The following LARGE1 variants were observed in gnomAD, a reference collection of about 807,000 sequenced individuals.
LARGE1 encodes LARGE xylosyl- and glucuronyltransferase 1.
Under a neutral mutation model 87.6 loss-of-function variants are expected in LARGE1, and 43 were observed. That is an observed-to-expected ratio of 0.49 (90% CI 0.38 to 0.63). The LOEUF is 0.63. LARGE1 is among the 30% of genes least tolerant of loss of function. LARGE1 has a pLI of 0.00. For synonymous variants in LARGE1, 434 were observed against 394.6 expected (o/e 1.10, Z -1.18); for missense variants, 802 against 1,000.2 (o/e 0.80, Z 2.67).
At chr22:33,170,382 T>C (rs961529747) in intron 11 of LARGE1, among the ~76,000 whole-genome samples, 5 of 151,762 alleles carry the variant, frequency 3.3e-5, no homozygotes, top group African/African-American at 4.8e-5. Flanking sequence ...AATAAATAAA[T>C]AAATATAAAA....
intron 6 of LARGE1, among the ~76,000 whole-genome samples, chr22:33,442,366 T>C (rs1164351409): frequency 6.6e-6 from 1 of 152,186 alleles, no homozygotes; most frequent in Non-Finnish European, 1.5e-5. Context: ...AAAGAGCTTC[T>C]CAAACGGTCC....
At chr22:33,470,515 TCCA>T (rs2068784077) in intron 6 of LARGE1, among the ~76,000 whole-genome samples, 3 of 152,326 alleles carry the variant, frequency 2.0e-5, no homozygotes, top group African/African-American at 7.2e-5. Context: ...TTCCTTTTGC[TCCA>T]CGTTCTCCTC....
chr22:33,830,098 G>T (rs2062922201), intron 1 of LARGE1, among the ~76,000 whole-genome samples: 1 of 152,056 alleles, frequency 6.6e-6, no homozygotes, highest in Non-Finnish European at 1.5e-5. Flanking sequence ...GGTCCTTTGG[G>T]CCGGGTGCCA....
intron 2 of LARGE1, among the ~76,000 whole-genome samples, chr22:33,652,566 G>A (rs1039026177): frequency 2.0e-5 from 3 of 151,924 alleles, no homozygotes; most frequent in African/African-American, 7.3e-5. Flanking sequence ...GGGTTACCAA[G>A]CAAAAAAAGC....
intron 7 of LARGE1, among the ~76,000 whole-genome samples, chr22:33,424,957 A>C (rs2066824558): frequency 6.6e-6 from 1 of 152,168 alleles, no homozygotes; most frequent in South Asian, 2.1e-4. Context: ...TAATGTGATT[A>C]ATGACCTTGT....
At chr22:33,808,584 C>A (rs549559793) in intron 1 of LARGE1, among the ~76,000 whole-genome samples, 1 of 152,188 alleles carries the variant, frequency 6.6e-6, no homozygotes, top group Middle Eastern at 3.2e-3. Context: ...GCACCCTGCA[C>A]GACGCTGGGA....
At chr22:33,647,991 C>A (rs2080672627) in intron 3 of LARGE1, among the ~76,000 whole-genome samples, 1 of 152,088 alleles carries the variant, frequency 6.6e-6, no homozygotes, top group Non-Finnish European at 1.5e-5. Context: ...TCTGTTGACC[C>A]TGTGATCCAC....
intron 11 of LARGE1, among the ~76,000 whole-genome samples, chr22:33,200,972 C>T (rs76643592): frequency 0.03 from 4,597 of 152,102 alleles, 96 homozygotes; most frequent in Admixed American, 0.057. Flanking sequence ...TAAGAATTAT[C>T]TCAATGTTTT....
At chr22:33,576,099 T>C (rs775387568) in intron 5 of LARGE1, among the ~76,000 whole-genome samples, 42 of 152,256 alleles carry the variant, frequency 2.8e-4, no homozygotes, top group Non-Finnish European at 3.8e-4. Flanking sequence ...AGCTGCTGCG[T>C]AGCCTGATCT....
At chr22:33,830,270 C>T (rs1331421574) in intron 1 of LARGE1, among the ~76,000 whole-genome samples, 1 of 152,060 alleles carries the variant, frequency 6.6e-6, no homozygotes, top group African/African-American at 2.4e-5. Context: ...AAATGCTGAC[C>T]ACATTTGATT....
In LARGE1 at chr22:33,359,738, G is replaced by C. The variant is rs184692965; in HGVS notation, c.1132-21937C>G. On this transcript the variant is annotated intron_variant, in intron 9 of 14. Transcript: ENST00000397394. ...ACCACCACGCCCGGCTAATTTTTTT[G>C]TATTTTTAGTAGAGATGGGGTTTCA... Among the ~76,000 whole-genome samples the C allele has an allele frequency of 4.1e-4, 60 of 147,740 alleles. 2 individuals carry two copies. Among genetic ancestry groups the C allele is most frequent in the African/African-American group, 1.5e-3 (60 of 40,300 alleles).
rs71696696 is a variant in LARGE1, at chr22:33,448,824, TGG to T, written c.788-16561_788-16560del. Among the ~76,000 whole-genome samples, 1,354 of 152,302 alleles carry T rather than the reference TGG, an allele frequency of 8.9e-3. 18 individuals are homozygous for T. Among genetic ancestry groups the T allele is most frequent in the African/African-American group, 0.031 (1,300 of 41,556 alleles). On this transcript the variant is annotated intron_variant, in intron 6 of 14. Coordinates refer to ENST00000397394, the MANE Select transcript of LARGE1 (RefSeq NM_133642.5). ...AAATGTTAGTAACTGGGTGCAGTCA[TGG>T]GTAGTGCACCACGACCATCAAGATA...
chr22:33,443,442 G>C (rs1270295532), intron 6 of LARGE1, among the ~76,000 whole-genome samples: 1 of 152,156 alleles, frequency 6.6e-6, no homozygotes, highest in Non-Finnish European at 1.5e-5. Flanking sequence ...CTGCCACCTG[G>C]GGTTGCAGGC....
At chr22:33,196,692 A>G (rs1924100672) in intron 11 of LARGE1, among the ~76,000 whole-genome samples, 1 of 152,002 alleles carries the variant, frequency 6.6e-6, no homozygotes, top group Non-Finnish European at 1.5e-5. Flanking sequence ...AATATTATAA[A>G]TGAAAGAGCA....
chr22:33,630,299 C>T (rs939953655), intron 3 of LARGE1, among the ~76,000 whole-genome samples: 1 of 152,198 alleles, frequency 6.6e-6, no homozygotes, highest in African/African-American at 2.4e-5. Context: ...GGTCCTTGCA[C>T]TAGGCCTTCC....
intron 1 of LARGE1, among the ~76,000 whole-genome samples, chr22:33,893,831 A>G (rs543315318): frequency 5.4e-4 from 83 of 152,318 alleles, no homozygotes; most frequent in African/African-American, 1.9e-3. Context: ...ATGAACTCTA[A>G]GCAAAGACAA....
intron 6 of LARGE1, among the ~76,000 whole-genome samples, chr22:33,453,606 C>T (rs934661856): frequency 3.3e-5 from 5 of 152,144 alleles, no homozygotes; most frequent in African/African-American, 4.8e-5. Context: ...AGGTCCTCTG[C>T]GTGCACCGTG....
chr22:33,221,169 AAGAGAG>A (rs112355451), intron 11 of LARGE1, among the ~76,000 whole-genome samples: 4 of 148,886 alleles, frequency 2.7e-5, no homozygotes, highest in Non-Finnish European at 5.9e-5. Context: ...CGTTGTTAAA[AAGAGAG>A]AGAGAGAGAG....
intron 12 of LARGE1, among the ~76,000 whole-genome samples, chr22:33,286,070 G>A (rs900432953): frequency 5.3e-4 from 80 of 152,328 alleles, no homozygotes; most frequent in Middle Eastern, 3.4e-3. Context: ...CACTATTCCA[G>A]AGGAGGTTCG....
Sources: allele counts gnomAD v4.1 joint callset (sites outside exome capture counted in the v4.1 genomes callset), GRCh38; gene constraint gnomAD v4.1.1; transcripts MANE v1.5; gene names NCBI Gene and HGNC (gene_info 2026-07-23, HGNC 2026-07-21).